Variants in INTS6 observed in about 807,000 individuals in gnomAD.
INTS6 encodes integrator complex subunit 6, also known as DEAD box protein.
Under a neutral mutation model 104.9 loss-of-function variants are expected in INTS6, and 16 were observed. That is an observed-to-expected ratio of 0.15 (90% CI 0.10 to 0.23). INTS6 has a LOEUF of 0.23. INTS6 is among the 10% of genes least tolerant of loss of function. The probability of loss-of-function intolerance (pLI) is 1.00; values close to 1 mark genes in which losing one functional copy is unlikely to be tolerated. For synonymous variants in INTS6, 324 were observed against 358.7 expected, an observed-to-expected ratio of 0.90 and a Z score of 1.09; for missense variants, 584 against 1,062.8, an observed-to-expected ratio of 0.55 and a Z score of 6.26.
intron 3 of INTS6, chr13:51,444,082 T>TTTTGC (rs984285615): frequency 4.0e-5 from 6 of 151,680 alleles, no homozygotes; most frequent in Non-Finnish European, 7.3e-5. Context: ...TTTTGTTTGT[T>TTTTGC]TTTGTTTTGT....
chr13:51,340,347 G>A, the INTS6 span, among the ~76,000 whole-genome samples: 1 of 152,188 alleles, frequency 6.6e-6, no homozygotes, highest in Non-Finnish European at 1.5e-5. Context: ...GTACATTTCT[G>A]GGGTAGGAAC....
intron 3 of INTS6, chr13:51,449,682 G>A (rs1952994802): frequency 5.1e-6 from 5 of 984,876 alleles, no homozygotes; most frequent in Non-Finnish European, 4.8e-6. Flanking sequence ...AAAACCTTAA[G>A]CAGTAAGACT....
intron 4 of INTS6, among the ~76,000 whole-genome samples, chr13:51,414,638 A>T (rs1220181169): frequency 6.6e-6 from 1 of 152,168 alleles, no homozygotes; most frequent in Non-Finnish European, 1.5e-5. Context: ...AGCTTTTTTT[A>T]AAGCAAATAA....
intron 4 of INTS6, among the ~76,000 whole-genome samples, chr13:51,428,035 A>G (rs1957015093): frequency 1.3e-5 from 2 of 152,222 alleles, no homozygotes; most frequent in African/African-American, 4.8e-5. Flanking sequence ...CAAATTTTAC[A>G]AACAAAACAG....
intron 4 of INTS6, among the ~76,000 whole-genome samples, chr13:51,416,153 A>G (rs1956782873): frequency 6.6e-6 from 1 of 152,220 alleles, no homozygotes; most frequent in African/African-American, 2.4e-5. Context: ...GGAGGTAGAG[A>G]AGTCAAGGAG....
At position 51,452,388 on chromosome 13, in the gene INTS6, C is replaced by G. The variant is rs759560288; in HGVS notation, c.111+27G>C. ...CGCCCGCGGGCCGCCGGGCCGGGGT[C>G]GCCGCCCGGGCTCGGTCAGTCGGTA... On this transcript the variant is annotated intron_variant, in intron 1 of 17. Coordinates refer to ENST00000311234, the MANE Select transcript of INTS6 (RefSeq NM_012141.3). This position sits in a 1 kb window ranked among gnomAD's most constrained non-coding sequence, Gnocchi z 4.2. 4 of 1,534,272 alleles carry G rather than the reference C, an allele frequency of 2.6e-6. No homozygotes were observed. In the South Asian group the frequency reaches 4.7e-5, roughly 18 times the overall value.
At chr13:51,378,615 CAT>C (rs1454307823) in intron 11 of INTS6, among the ~76,000 whole-genome samples, 161 bp from the exon 12 acceptor site, 3 of 151,900 alleles carry the variant, frequency 2.0e-5, no homozygotes, top group Admixed American at 2.0e-4. Flanking sequence ...GTAAATTAAA[CAT>C]AGTTTAAACA....
In INTS6 at chr13:51,364,138, T is replaced by C; in HGVS notation, c.*1614A>G. 2 of 518,598 alleles carry C rather than the reference T, an allele frequency of 3.9e-6. No homozygotes were observed. The highest frequency in any genetic ancestry group is 6.5e-6 in the Non-Finnish European group (2 of 306,950). 32.1% of individuals were successfully genotyped at this position (518,598 alleles called of 1,614,324 possible). A position where few individuals can be genotyped will look rare whatever the true frequency, so the allele number is the denominator to read the frequency against. ...CTTAACAATTCCATCTATTAAATGT[T>C]ATCTTGCATTACTTAAAAGTATTTG... is the stretch of plus-strand genomic sequence containing the variant. On this transcript the variant is annotated 3_prime_UTR_variant, in exon 18 of 18. Coordinates refer to ENST00000311234, the MANE Select transcript of INTS6 (RefSeq NM_012141.3).
chr13:51,344,382 G>GCCCAC, the INTS6 span: 7 of 1,613,078 alleles, frequency 4.3e-6, no homozygotes, highest in Non-Finnish European at 5.9e-6. Flanking sequence ...GCTTTGTGGA[G>GCCCAC]CACGTCTCCT....
At chr13:51,451,864 G>T in intron 2 of INTS6, 114 bp downstream of exon 2, 1 of 647,736 alleles carries the variant, frequency 1.5e-6, no homozygotes, top group Non-Finnish European at 2.7e-6. Context: ...GCGGCTGGGA[G>T]CGCAGCGGGT....
intron 4 of INTS6, among the ~76,000 whole-genome samples, chr13:51,417,524 A>G (rs1956812361): frequency 1.4e-5 from 2 of 141,118 alleles, no homozygotes; most frequent in Admixed American, 7.8e-5. Flanking sequence ...GCGCGATCTC[A>G]GCTCCCTGCA....
chr13:51,387,577 C>T (rs1483223370), intron 6 of INTS6, 37 bp from the exon 7 acceptor site: 5 of 1,512,614 alleles, frequency 3.3e-6, no homozygotes, highest in East Asian at 2.4e-5. Context: ...AAGCATATAT[C>T]ATAAGGGGGG....
At chr13:51,449,711 C>G (rs1213908746) in intron 3 of INTS6, 1 of 985,046 alleles carries the variant, frequency 1.0e-6, no homozygotes, top group Non-Finnish European at 1.2e-6. Flanking sequence ...CTACATATCA[C>G]AAAGGAATAT....
intron 3 of INTS6, chr13:51,441,680 C>T (rs1952799546): frequency 6.6e-6 from 1 of 152,132 alleles, no homozygotes; most frequent in African/African-American, 2.4e-5. Context: ...ACTAGCTACA[C>T]ATCAGAAACT....
At chr13:51,449,759 A>C in intron 3 of INTS6, 1 of 985,438 alleles carries the variant, frequency 1.0e-6, no homozygotes, top group South Asian at 4.7e-5. Context: ...TACAGAAACA[A>C]ACCAAAAAGT....
chr13:51,389,187 T>C, intron 6 of INTS6, 132 bp downstream of exon 6: 2 of 836,428 alleles, frequency 2.4e-6, no homozygotes, highest in Non-Finnish European at 3.7e-6. Context: ...ATCTTCCCTC[T>C]TTACCAACAG....
At chr13:51,405,319 A>C (rs1956542076) in intron 4 of INTS6, among the ~76,000 whole-genome samples, 3 of 152,206 alleles carry the variant, frequency 2.0e-5, no homozygotes, top group Admixed American at 1.3e-4. Context: ...GGAGATAGAG[A>C]AATAACGTCC....
At chr13:51,352,479 T>G (rs116904891), downstream of INTS6, among the ~76,000 whole-genome samples, 1,324 of 152,118 alleles carry the variant, frequency 8.7e-3, 7 homozygotes, top group African/African-American at 0.023. Context: ...AGGTTTTTTT[T>G]TGTGTGTGTG....
intron 11 of INTS6, 24 bp from the exon 12 acceptor site, chr13:51,378,478 T>A: frequency 6.8e-7 from 1 of 1,474,996 alleles, no homozygotes; most frequent in Non-Finnish European, 9.4e-7. Flanking sequence ...AAGTCAGAAT[T>A]ATCTTGATAA....
Sources: gnomAD v4.1 joint callset for allele counts (sites outside exome capture counted in the v4.1 genomes callset) on GRCh38, gnomAD v4.1.1 for gene constraint, Gnocchi (gnomAD v3.1) non-coding constraint, MANE v1.5 for transcripts, NCBI Gene and HGNC (gene_info 2026-07-23, HGNC 2026-07-21) for gene names.